Variants in NPR1 observed in about 807,000 individuals in gnomAD.
The protein encoded by NPR1 is atrial natriuretic peptide receptor 1.
A neutral mutation model predicts 116.9 loss-of-function variants in NPR1; 57 were observed. That is an observed-to-expected ratio of 0.49 (90% CI 0.39 to 0.61). The LOEUF (loss-of-function observed/expected upper bound fraction) is 0.61. Among genes scored for constraint, NPR1 ranks in the 20% least tolerant of loss-of-function variants. The probability of loss-of-function intolerance (pLI) is 0.00; values close to 1 mark genes in which losing one functional copy is unlikely to be tolerated. For missense variants in NPR1, 1,096 were observed against 1,409.8 expected, an observed-to-expected ratio of 0.78 and a Z score of 3.56; for synonymous variants, 555 against 601.6, an observed-to-expected ratio of 0.92 and a Z score of 1.13.
intron 7 of NPR1, among the ~76,000 whole-genome samples, chr1:153,684,064 C>G (rs969402118): frequency 1.3e-5 from 2 of 152,144 alleles, no homozygotes; most frequent in Non-Finnish European, 2.9e-5. Context: ...ATCCAAGAAG[C>G]AGAGAAGTTG....
Position 153,681,828 on chromosome 1 carries a change from G to A in NPR1, c.1160G>A (p.Arg387Gln), listed in dbSNP as rs868615410. 10 of 1,613,736 alleles carry A rather than the reference G, an allele frequency of 6.2e-6. No individual in the cohort carries two copies. Among genetic ancestry groups the A allele is most frequent in the African/African-American group, 1.3e-5 (1 of 74,912 alleles). ...GENITQRMWN[R>Q]SFQGVTGYLK... is the part of the protein sequence containing the mutation. ...AACATCACTCAGCGGATGTGGAACC[G>A]AAGCTTTCAAGGTCAGGGCCTGGAG... is the stretch of plus-strand genomic sequence containing the variant. Residue 387 changes from arginine to glutamine, a missense_variant, in exon 4 of 22, where the codon CGA (arginine) becomes CAA (glutamine). By Grantham distance (43) the Arg-to-Gln change is conservative. Transcript: ENST00000368680.
In NPR1 at chr1:153,681,233, C is replaced by T; in HGVS notation, c.975C>T (p.Phe325=). The T allele has an allele frequency of 1.2e-6, 2 of 1,613,800 alleles. No homozygotes were observed. The highest frequency in any genetic ancestry group is 1.6e-4 in the Middle Eastern group (1 of 6,062). Residue 325 remains phenylalanine (F), a synonymous_variant, in exon 3 of 22, where the codon TTC becomes TTT. Transcript: ENST00000368680. ...KDPDNPEYLE[F]LKQLKHLAYE... is the part of the protein sequence containing the mutation. Reference sequence around the variant, plus strand: ...CAGATAATCCCGAGTACTTGGAATTCCTGAAGCAGTTAAAACACCTGGCCT... The same window carrying T: ...CAGATAATCCCGAGTACTTGGAATTTCTGAAGCAGTTAAAACACCTGGCCT...
intron 3 of NPR1, 82 bp downstream of exon 3, chr1:153,681,375 T>C (rs945626356): frequency 9.9e-6 from 8 of 808,620 alleles, no homozygotes; most frequent in African/African-American, 8.5e-5. Context: ...TCCTTCCCTA[T>C]TCCCAGTTCT....
chr1:153,684,924 C>T (rs537033312), intron 7 of NPR1, 40 bp from the exon 8 acceptor site: 55 of 1,609,942 alleles, frequency 3.4e-5, no homozygotes, highest in Admixed American at 5.0e-5. Context: ...CCTGGGTCAG[C>T]GGCTCAGCCA....
rs140425746 is a variant in NPR1, at chr1:153,683,490, G to A, written c.1378G>A (p.Glu460Lys). 58 of 1,614,050 alleles carry A rather than the reference G, an allele frequency of 3.6e-5. No individual in the cohort carries two copies. The highest frequency in any genetic ancestry group is 5.3e-5 in the African/African-American group (4 of 74,920). Residue 460 changes from glutamate to lysine, a missense_variant, in exon 6 of 22, where the codon GAA becomes AAA. Transcript: ENST00000368680. ...PDIPKCGFDN[E>K]DPACNQDHLS... is the part of the protein sequence containing the mutation. Reference sequence around the variant, plus strand: ...CATCCCCAAATGTGGCTTTGACAACGAAGACCCAGCATGCAACCAAGGTGA... The same window carrying A: ...CATCCCCAAATGTGGCTTTGACAACAAAGACCCAGCATGCAACCAAGGTGA...
Position 153,693,654 on chromosome 1 carries a change from C to A in NPR1, c.*240C>A, listed in dbSNP as rs557668401. Reference sequence around the variant, plus strand: ...ACGGCCATGCACAGGGACACTCACACAGGCACACGCACCTGCTCTCCACCT... The same window carrying A: ...ACGGCCATGCACAGGGACACTCACAAAGGCACACGCACCTGCTCTCCACCT... On this transcript the variant is annotated 3_prime_UTR_variant, in exon 22 of 22. Transcript: ENST00000368680. 53 of 451,442 alleles carry A rather than the reference C, an allele frequency of 1.2e-4. 1 individual carries two copies. The South Asian group carries it at 2.9e-3, about 25-fold the overall frequency. The allele number at this position is 451,442 out of a possible 1,614,324, so 28.0% of individuals were successfully genotyped here.
chr1:153,682,553 C>T lies in NPR1; in HGVS notation c.1227C>T (p.Ser409=). ...GTGGCGATCGGGAAACAGACTTCTC[C>T]CTCTGGGATATGGATCCCGAGAATG... ...DSSGDRETDF[S]LWDMDPENGA... is the part of the protein sequence containing the mutation. Residue 409 remains serine (S), a synonymous_variant, in exon 5 of 22, where the codon TCC becomes TCT. Coordinates refer to ENST00000368680, the MANE Select transcript of NPR1 (RefSeq NM_000906.4). 6.2e-7 allele frequency: 1 copy of T among 1,614,092 alleles called. No individual in the cohort carries two copies. Among genetic ancestry groups the T allele is most frequent in the Non-Finnish European group, 8.5e-7 (1 of 1,179,976 alleles).
rs369669386 is a variant in NPR1, at chr1:153,689,185, T to G, written c.2565-3T>G. ...TGATCCTGCACCTGCCCTGACCCCT[T>G]AGCTCAGTGGCTGAGCAGCTGAAGC... On this transcript the variant is annotated splice_region_variant and splice_polypyrimidine_tract_variant and intron_variant, in intron 16 of 21. Coordinates refer to ENST00000368680, the MANE Select transcript of NPR1 (RefSeq NM_000906.4). The surrounding 1 kb of genome is among the most constrained non-coding windows in gnomAD (Gnocchi z 5.1). 81 of 1,614,072 alleles carry G rather than the reference T, an allele frequency of 5.0e-5. No homozygotes were observed. The African/African-American group carries it at 9.9e-4, about 20-fold the overall frequency.
chr1:153,690,612 C>G (rs1314575707), intron 20 of NPR1, among the ~76,000 whole-genome samples: 1 of 152,018 alleles, frequency 6.6e-6, no homozygotes, highest in East Asian at 1.9e-4. Context: ...ATTTCCGGGC[C>G]AGTGCTGGAG....
At chr1:153,684,917 G>A (rs756381931) in intron 7 of NPR1, 47 bp from the exon 8 acceptor site, 1 of 1,609,856 alleles carries the variant, frequency 6.2e-7, no homozygotes, top group Non-Finnish European at 8.5e-7. Context: ...ACCCTGCCCT[G>A]GGTCAGCGGC....
chr1:153,686,125 C>A lies in NPR1; in HGVS notation c.1683C>A (p.Gly561=). ...QVFAKTAYYK[G]NLVAVKRVNR... Reference sequence around the variant, plus strand: ...GACAGTCTCCATTCCATGCCCAGGGCAACCTCGTGGCTGTGAAACGTGTGA... The same window carrying A: ...GACAGTCTCCATTCCATGCCCAGGGAAACCTCGTGGCTGTGAAACGTGTGA... Residue 561 remains glycine (G), a splice_region_variant and synonymous_variant, in exon 10 of 22, where the codon GGC becomes GGA. Transcript: ENST00000368680. 1.9e-6 allele frequency: 3 copies of A among 1,613,898 alleles called. No individual in the cohort carries two copies. Among genetic ancestry groups the A allele is most frequent in the Non-Finnish European group, 2.5e-6 (3 of 1,179,908 alleles).
At chr1:153,688,317 G>A (rs1669991613) in intron 15 of NPR1, 96 bp downstream of exon 15, 1 of 1,314,356 alleles carries the variant, frequency 7.6e-7, no homozygotes, top group Non-Finnish European at 1.1e-6. Flanking sequence ...AGTGGCAGAG[G>A]GAGACCACTC....
chr1:153,690,673 G>A (rs1670081729), intron 20 of NPR1, among the ~76,000 whole-genome samples: 1 of 152,032 alleles, frequency 6.6e-6, no homozygotes, highest in African/African-American at 2.4e-5. Flanking sequence ...CGGGCGTGGT[G>A]ACTCACACCT....
In NPR1 at chr1:153,682,140, C is replaced by T. The variant is rs1231860265; in HGVS notation, c.1171+301C>T. ...TGCAATCTCGGCTCACTTCAACCTCCGCCTCCCAGGTTCAAGCAATTCTCC... is the reference window on the plus strand; with the variant it reads ...TGCAATCTCGGCTCACTTCAACCTCTGCCTCCCAGGTTCAAGCAATTCTCC... On this transcript the variant is annotated intron_variant, in intron 4 of 21. Transcript: ENST00000368680. Among the ~76,000 whole-genome samples the T allele has an allele frequency of 5.9e-5, 9 of 151,986 alleles. No homozygotes were observed. In the South Asian group the frequency reaches 8.3e-4, roughly 14 times the overall value.
chr1:153,678,922 G>T lies in NPR1; in HGVS notation c.-187G>T. Reference sequence around the variant, plus strand: ...CGCCCTGCGCGCCCCCCTCGGTCGCGCCCCTTGCGCTCTCGGCCCAGACCG... The same window carrying T: ...CGCCCTGCGCGCCCCCCTCGGTCGCTCCCCTTGCGCTCTCGGCCCAGACCG... On this transcript the variant is annotated 5_prime_UTR_variant, in exon 1 of 22. Coordinates refer to ENST00000368680, the MANE Select transcript of NPR1 (RefSeq NM_000906.4). This position sits in a 1 kb window ranked among gnomAD's most constrained non-coding sequence, Gnocchi z 5.8. The T allele has an allele frequency of 7.8e-6, 6 of 767,096 alleles. No individual in the cohort carries two copies. In the South Asian group the frequency reaches 1.4e-4, roughly 18 times the overall value. The allele number at this position is 767,096 out of a possible 1,614,324, so 47.5% of individuals were successfully genotyped here. A position where few individuals can be genotyped will look rare whatever the true frequency, so the allele number is the denominator to read the frequency against.
Position 153,678,934 on chromosome 1 carries a change from C to T in NPR1, c.-175C>T, listed in dbSNP as rs1414209994. 2.2e-6 allele frequency: 2 copies of T among 893,158 alleles called. No homozygotes were observed. Among genetic ancestry groups the T allele is most frequent in the African/African-American group, 3.6e-5 (2 of 56,162 alleles). The allele number at this position is 893,158 out of a possible 1,614,324, so 55.3% of individuals were successfully genotyped here. A position where few individuals can be genotyped will look rare whatever the true frequency, so the allele number is the denominator to read the frequency against. On this transcript the variant is annotated 5_prime_UTR_variant, in exon 1 of 22. Transcript: ENST00000368680. This position sits in a 1 kb window ranked among gnomAD's most constrained non-coding sequence, Gnocchi z 5.8. The stretch of plus-strand genomic sequence containing the variant: ...CCCCCTCGGTCGCGCCCCTTGCGCT[C>T]TCGGCCCAGACCGTCGCAGCTACAG...
intron 15 of NPR1, chr1:153,688,682 C>T (rs1169861736): frequency 1.9e-6 from 1 of 520,738 alleles, no homozygotes; most frequent in Non-Finnish European, 3.4e-6. Flanking sequence ...TTCTCCACCT[C>T]CTTTACCTCC....
At position 153,689,887 on chromosome 1, in the gene NPR1, C is replaced by A. The variant is rs1279877574; in HGVS notation, c.2839C>A (p.Arg947Ser). The change falls in exon 19 of 22, where the codon CGC becomes AGC. Residue 947 changes from arginine (R) to serine (S), a missense_variant. Transcript: ENST00000368680. This position sits in a 1 kb window ranked among gnomAD's most constrained non-coding sequence, Gnocchi z 5.1. The part of the protein sequence containing the change: ...NGRLHACEVA[R>S]MALALLDAVR... ...GCGGCTACACGCCTGCGAGGTAGCC[C>A]GCATGGCCCTGGCACTGCTGGATGC... 1.2e-5 allele frequency: 19 copies of A among 1,581,722 alleles called. No homozygotes were observed. Among genetic ancestry groups the A allele is most frequent in the East Asian group, 9.2e-5 (4 of 43,370 alleles).
chr1:153,683,725 G>A lies in NPR1; in HGVS notation c.1400-15G>A, dbSNP rs771459619. 1 of 1,613,486 alleles carries A rather than the reference G, an allele frequency of 6.2e-7. No individual in the cohort carries two copies. The highest frequency in any genetic ancestry group is 1.1e-5 in the South Asian group (1 of 91,064). On this transcript the variant is annotated splice_polypyrimidine_tract_variant and intron_variant, in intron 6 of 21. Transcript: ENST00000368680. ...CCCAAATCTCTCTTGCTGCAATATG[G>A]ACTCTCTCCTGCAGATCACCTTTCC... is the stretch of plus-strand genomic sequence containing the variant.
Sources: gnomAD v4.1 joint callset for allele counts (sites outside exome capture counted in the v4.1 genomes callset) on GRCh38, gnomAD v4.1.1 for gene constraint, Gnocchi (gnomAD v3.1) non-coding constraint, MANE v1.5 for transcripts, NCBI Gene and HGNC (gene_info 2026-07-23, HGNC 2026-07-21) for gene names.